Variants in KCNQ1OT1 observed in about 807,000 individuals in gnomAD.
The protein encoded by KCNQ1OT1 is KCNQ1 opposite strand/antisense transcript 1, also known as KCNQ1 antisense RNA 2 (non-protein coding).
Position 2,653,776 on chromosome 11 carries a change from C to T in KCNQ1OT1, n.46219G>A, listed in dbSNP as rs1339928551. On this transcript the variant is annotated non_coding_transcript_exon_variant, in exon 1 of 1. Coordinates refer to ENST00000597346, the Ensembl canonical transcript of KCNQ1OT1. The surrounding 1 kb of genome is among the most constrained non-coding windows in gnomAD (Gnocchi z 5.3). ...GGCCTCAGCTGGGGTACAAGCCATC[C>T]TTGGACCTGCAGCTGTACCTCCGAT... is the stretch of plus-strand genomic sequence containing the variant. 1 of 398,540 alleles carries T rather than the reference C, an allele frequency of 2.5e-6. No homozygotes were observed. Among genetic ancestry groups the T allele is most frequent in the African/African-American group, 2.1e-5 (1 of 48,642 alleles). 24.7% of individuals were successfully genotyped at this position (398,540 alleles called of 1,614,324 possible).
rs141646986 is a variant in KCNQ1OT1, at chr11:2,640,099, G to A, written n.59896C>T. 902 of 267,830 alleles carry A rather than the reference G, an allele frequency of 3.4e-3. 4 individuals are homozygous for A. The highest frequency in any genetic ancestry group is 0.018 in the African/African-American group (804 of 45,658). The allele number at this position is 267,830 out of a possible 1,614,324, so 16.6% of individuals were successfully genotyped here. A position where few individuals can be genotyped will look rare whatever the true frequency, so the allele number is the denominator to read the frequency against. On this transcript the variant is annotated non_coding_transcript_exon_variant, in exon 1 of 1. Coordinates refer to ENST00000597346, the Ensembl canonical transcript of KCNQ1OT1. ...GGAGTGATCCAGTTTTCCAGGTGCC[G>A]TCTGTCACCCCTTCCGTTGGCTAGG...
At position 2,663,668 on chromosome 11, in the gene KCNQ1OT1, C is replaced by G. The variant is rs1006178344; in HGVS notation, n.36327G>C. On this transcript the variant is annotated non_coding_transcript_exon_variant, in exon 1 of 1. Coordinates refer to ENST00000597346, the Ensembl canonical transcript of KCNQ1OT1. The surrounding 1 kb of genome is among the most constrained non-coding windows in gnomAD (Gnocchi z 5.2). ...ACTGGGAGGAGAGGGCCATCACCCA[C>G]AGTCCATCTAGCTGGGCAGCCAGGC... 2.5e-6 allele frequency: 1 copy of G among 398,618 alleles called. No homozygotes were observed. Among genetic ancestry groups the G allele is most frequent in the African/African-American group, 2.1e-5 (1 of 48,654 alleles). The allele number at this position is 398,618 out of a possible 1,614,324, so 24.7% of individuals were successfully genotyped here.
chr11:2,699,638 G>GGGGACAACCGCGCCGAAGAACCCCCA, exon 1 of KCNQ1OT1: 2 of 355,334 alleles, frequency 5.6e-6, no homozygotes, highest in Non-Finnish European at 1.0e-5. Context: ...AAGAACCCCC[G>GGGGACAACCGCGCCGAAGAACCCCCA]GGGACAACCG....
chr11:2,652,284 A>G lies in KCNQ1OT1; in HGVS notation n.47711T>C. ...TCTGAGAACATCTGCACCGGTTTCCAAGGCTTCTCCCTCACTAATTGCTTT... is the reference window on the plus strand; with the variant it reads ...TCTGAGAACATCTGCACCGGTTTCCGAGGCTTCTCCCTCACTAATTGCTTT... On this transcript the variant is annotated non_coding_transcript_exon_variant, in exon 1 of 1. Coordinates refer to ENST00000597346, the Ensembl canonical transcript of KCNQ1OT1. This position sits in a 1 kb window ranked among gnomAD's most constrained non-coding sequence, Gnocchi z 5.9. 2.5e-6 allele frequency: 1 copy of G among 398,684 alleles called. No individual in the cohort carries two copies. The highest frequency in any genetic ancestry group is 1.3e-4 in the South Asian group (1 of 7,860). 24.7% of individuals were successfully genotyped at this position (398,684 alleles called of 1,614,324 possible). A position where few individuals can be genotyped will look rare whatever the true frequency, so the allele number is the denominator to read the frequency against.
chr11:2,662,142 A>C, exon 1 of KCNQ1OT1: 3 of 1,609,134 alleles, frequency 1.9e-6, no homozygotes, highest in Non-Finnish European at 2.5e-6. Flanking sequence ...AAGGAGTCAG[A>C]CTTGGTGCTG....
At chr11:2,692,550 C>G (rs1396216875) in exon 1 of KCNQ1OT1, 5 of 398,672 alleles carry the variant, frequency 1.3e-5, no homozygotes, top group African/African-American at 8.2e-5. Flanking sequence ...CCTTGGCCTG[C>G]CCCTGCCACT....
At chr11:2,689,133 G>A in exon 1 of KCNQ1OT1, 1 of 398,746 alleles carries the variant, frequency 2.5e-6, no homozygotes, top group East Asian at 3.6e-5. Context: ...GAAAGCCTGA[G>A]ACCCTAAGGA....
exon 1 of KCNQ1OT1, chr11:2,665,170 C>T (rs190531268): frequency 9.8e-5 from 39 of 398,552 alleles, no homozygotes; most frequent in Middle Eastern, 6.2e-4. Context: ...CAGCTCTGGG[C>T]GGCCAGGACT....
chr11:2,646,302 A>G, exon 1 of KCNQ1OT1: 1 of 396,752 alleles, frequency 2.5e-6, no homozygotes, highest in Non-Finnish European at 4.4e-6. Context: ...ATAGGTAAAT[A>G]TGATCATTTT....
chr11:2,610,057 G>C (rs531329233), exon 1 of KCNQ1OT1: 1 of 397,574 alleles, frequency 2.5e-6, no homozygotes, highest in African/African-American at 2.1e-5. Context: ...TTTACTTTTG[G>C]TCTTTTCTAT....
chr11:2,689,878 C>A (rs1229876881), exon 1 of KCNQ1OT1: 9 of 398,692 alleles, frequency 2.3e-5, no homozygotes, highest in African/African-American at 4.1e-5. Context: ...CCTATCCAGC[C>A]CCATCCCTGG....
rs950757982 is a variant in KCNQ1OT1 at position 2,627,248 on chromosome 11, G to C, written n.72747C>G. 4.8e-5 allele frequency: 19 copies of C among 398,384 alleles called. No homozygotes were observed. The allele number at this position is 398,384 out of a possible 1,614,324, so 24.7% of individuals were successfully genotyped here. On this transcript the variant is annotated non_coding_transcript_exon_variant, in exon 1 of 1. Transcript: ENST00000597346. This position sits in a 1 kb window ranked among gnomAD's most constrained non-coding sequence, Gnocchi z 4.9. ...TATTTAAGAACATATTTGACCTACT[G>C]TGAAATGATTACTACAATCAAGCCA... is the stretch of plus-strand genomic sequence containing the variant.
exon 1 of KCNQ1OT1, chr11:2,684,656 G>C (rs1850453513): frequency 5.0e-6 from 2 of 398,672 alleles, no homozygotes; most frequent in Non-Finnish European, 8.8e-6. Context: ...GGAAAGAAAG[G>C]CTTGTTGGAT....
exon 1 of KCNQ1OT1, chr11:2,628,932 T>C: frequency 2.5e-6 from 1 of 398,392 alleles, no homozygotes; most frequent in Non-Finnish European, 4.4e-6. Flanking sequence ...CATAAATGTG[T>C]GGGTTTATTT....
Position 2,690,801 on chromosome 11 carries a change from T to A in KCNQ1OT1, n.9194A>T, listed in dbSNP as rs2133891722. ...GGGGTCAGCAGGAGGGAGGTCCCTG[T>A]CTCCTTGGCTTCCAGCTTCCAGGCT... On this transcript the variant is annotated non_coding_transcript_exon_variant, in exon 1 of 1. Transcript: ENST00000597346. This position sits in a 1 kb window ranked among gnomAD's most constrained non-coding sequence, Gnocchi z 5.1. The A allele has an allele frequency of 2.5e-6, 1 of 398,646 alleles. No homozygotes were observed. The highest frequency in any genetic ancestry group is 4.4e-6 in the Non-Finnish European group (1 of 226,092). The allele number at this position is 398,646 out of a possible 1,614,324, so 24.7% of individuals were successfully genotyped here. A position where few individuals can be genotyped will look rare whatever the true frequency, so the allele number is the denominator to read the frequency against.
Position 2,623,400 on chromosome 11 carries a change from A to G in KCNQ1OT1, n.76595T>C. ...TATTTGTACATTTTCACTGCCCTAA[A>G]AGTACTCTGTGCACTGCCTATTCAA... On this transcript the variant is annotated non_coding_transcript_exon_variant, in exon 1 of 1. Transcript: ENST00000597346. This position sits in a 1 kb window ranked among gnomAD's most constrained non-coding sequence, Gnocchi z 5.2. 2.5e-6 allele frequency: 1 copy of G among 398,582 alleles called. No homozygotes were observed. Among genetic ancestry groups the G allele is most frequent in the Non-Finnish European group, 4.4e-6 (1 of 226,058 alleles). 24.7% of individuals were successfully genotyped at this position (398,582 alleles called of 1,614,324 possible). A position where few individuals can be genotyped will look rare whatever the true frequency, so the allele number is the denominator to read the frequency against.
chr11:2,612,404 T>C lies in KCNQ1OT1; in HGVS notation n.87591A>G, dbSNP rs1848995690. The stretch of plus-strand genomic sequence containing the variant: ...AAGGTTGGGGACCACTATATTATGG[T>C]ATCCAATGGGTATCTCTTCATTTTT... On this transcript the variant is annotated non_coding_transcript_exon_variant, in exon 1 of 1. Transcript: ENST00000597346. The surrounding 1 kb of genome is among the most constrained non-coding windows in gnomAD (Gnocchi z 5.5). 5.0e-6 allele frequency: 2 copies of C among 398,526 alleles called. No homozygotes were observed. Among genetic ancestry groups the C allele is most frequent in the Admixed American group, 4.4e-5 (1 of 22,722 alleles). 24.7% of individuals were successfully genotyped at this position (398,526 alleles called of 1,614,324 possible). A position where few individuals can be genotyped will look rare whatever the true frequency, so the allele number is the denominator to read the frequency against.
exon 1 of KCNQ1OT1, chr11:2,696,059 A>C (rs1850671442): frequency 2.5e-6 from 1 of 398,534 alleles, no homozygotes; most frequent in South Asian, 1.3e-4. Context: ...TTATGAAAAC[A>C]GTCTTGACCC....
Position 2,683,263 on chromosome 11 carries a change from C to T in KCNQ1OT1, n.16732G>A, listed in dbSNP as rs1850428655. ...AGTCCATGGCACCTCCAGAACCTGT[C>T]AGCCTGAGTATGGGCAATGGCGTTT... On this transcript the variant is annotated non_coding_transcript_exon_variant, in exon 1 of 1. Transcript: ENST00000597346. This position sits in a 1 kb window ranked among gnomAD's most constrained non-coding sequence, Gnocchi z 4.7. The T allele has an allele frequency of 2.5e-6, 1 of 398,612 alleles. No homozygotes were observed. The highest frequency in any genetic ancestry group is 4.4e-6 in the Non-Finnish European group (1 of 226,076). 24.7% of individuals were successfully genotyped at this position (398,612 alleles called of 1,614,324 possible).
Sources: gnomAD v4.1 joint callset for allele counts on GRCh38, gnomAD v4.1.1 for gene constraint, Gnocchi (gnomAD v3.1) non-coding constraint, MANE v1.5 for transcripts, NCBI Gene and HGNC (gene_info 2026-07-23, HGNC 2026-07-21) for gene names.